The following PATE3 variants were observed in gnomAD, a reference collection of about 807,000 sequenced individuals.
The protein encoded by PATE3 is prostate and testis expressed 3, also known as prostate and testis expressed protein 3.
PATE3 carries 7 observed loss-of-function variants against 7.4 expected under a neutral mutation model. The ratio of observed to expected loss-of-function variants is 0.95; its 90% CI spans 0.54 to 1.78. The LOEUF (loss-of-function observed/expected upper bound fraction) is 1.78, where lower values mean the gene tolerates loss of function less well. Ranked by LOEUF, PATE3 falls within the 40% of genes most tolerant of loss-of-function variation. PATE3 has a pLI of 0.00. For missense variants in PATE3, 117 were observed against 122.5 expected (o/e 0.96, Z 0.21); for synonymous variants, 38 against 40.2 (o/e 0.94, Z 0.21).
At chr11:125,789,634 T>C in intron 2 of PATE3, 126 bp downstream of exon 2, 1 of 1,012,870 alleles carries the variant, frequency 9.9e-7, no homozygotes, top group Non-Finnish European at 1.4e-6. Context: ...GTAGCACAGG[T>C]CCCTGTGCAT....
In PATE3 at chr11:125,789,490, C is replaced by T; in HGVS notation, c.154C>T (p.Leu52Phe). 6.4e-7 allele frequency: 1 copy of T among 1,551,496 alleles called. No individual in the cohort carries two copies. The highest frequency in any genetic ancestry group is 8.7e-7 in the Non-Finnish European group (1 of 1,146,844). ...TGCTCAGAAGGGCGAGGCATGCATG[C>T]TCTTAAGGATTTACCAGCGTAAGTT... Reference protein sequence around the residue: ...CTAQKGEACMLLRIYQRNTLQ... With the variant: ...CTAQKGEACMFLRIYQRNTLQ... The change falls in exon 2 of 3, where the codon CTC (leucine) becomes TTC (phenylalanine). Residue 52 changes from leucine to phenylalanine, a missense_variant. Coordinates refer to ENST00000445202, the MANE Select transcript of PATE3 (RefSeq NM_001129883.4).
chr11:125,790,500 C>T lies in PATE3; in HGVS notation c.195C>T (p.Tyr65=), dbSNP rs1259023884. The change falls in exon 3 of 3, where the codon TAC becomes TAT. Residue 65 remains tyrosine, a synonymous_variant. Coordinates refer to ENST00000445202, the MANE Select transcript of PATE3 (RefSeq NM_001129883.4). ...TAGGCAATACTCTCCAGATATCATA[C>T]ATGGTGTGTCAGAAATTCTGCAGAG... ...IYQRNTLQIS[Y]MVCQKFCRDM... 3 of 1,550,084 alleles carry T rather than the reference C, an allele frequency of 1.9e-6. No homozygotes were observed. The highest frequency in any genetic ancestry group is 2.5e-5 in the East Asian group (1 of 40,152).
intron 1 of PATE3, among the ~76,000 whole-genome samples, chr11:125,788,941 G>A (rs1943587867): frequency 6.6e-6 from 1 of 152,136 alleles, no homozygotes; most frequent in South Asian, 2.1e-4. Context: ...TACTATTATT[G>A]ATGATGCCTT....
At chr11:125,789,724 A>C (rs925238316) in intron 2 of PATE3, among the ~76,000 whole-genome samples, 1 of 152,190 alleles carries the variant, frequency 6.6e-6, no homozygotes, top group Non-Finnish European at 1.5e-5. Context: ...CTGACCAAAC[A>C]GATTTTTTTT....
At position 125,790,735 on chromosome 11, in the gene PATE3, A is replaced by G; in HGVS notation, c.*133A>G. 1 of 880,870 alleles carries G rather than the reference A, an allele frequency of 1.1e-6. No homozygotes were observed. The highest frequency in any genetic ancestry group is 1.7e-6 in the Non-Finnish European group (1 of 593,978). 54.6% of individuals were successfully genotyped at this position (880,870 alleles called of 1,614,324 possible). ...GCCCTCGCATTAACCTAAGAAGACT[A>G]AACTAGTGTGATCCTTTCTGGTGTC... On this transcript the variant is annotated 3_prime_UTR_variant, in exon 3 of 3. Transcript: ENST00000445202.
At chr11:125,789,973 T>G (rs1271889858) in intron 2 of PATE3, among the ~76,000 whole-genome samples, 3 of 152,180 alleles carry the variant, frequency 2.0e-5, no homozygotes, top group African/African-American at 7.2e-5. Context: ...TAAATGAAAT[T>G]CTGTCCTTTG....
At position 125,789,487 on chromosome 11, in the gene PATE3, A is replaced by G. The variant is rs1182437566; in HGVS notation, c.151A>G (p.Met51Val). 1.3e-6 allele frequency: 2 copies of G among 1,551,618 alleles called. No individual in the cohort carries two copies. Among genetic ancestry groups the G allele is most frequent in the African/African-American group, 1.4e-5 (1 of 73,170 alleles). The change falls in exon 2 of 3, where the codon ATG (methionine) becomes GTG (valine). Residue 51 changes from methionine to valine, a missense_variant. By Grantham distance (21) the Met-to-Val change is conservative. Transcript: ENST00000445202. ...VCTAQKGEAC[M>V]LLRIYQRNTL... ...TACTGCTCAGAAGGGCGAGGCATGC[A>G]TGCTCTTAAGGATTTACCAGCGTAA...
At chr11:125,789,537 TA>T in intron 2 of PATE3, 29 bp downstream of exon 2, 1 of 1,537,292 alleles carries the variant, frequency 6.5e-7, no homozygotes, top group Non-Finnish European at 8.8e-7. Context: ...GAAGGTGTTG[TA>T]AGATTCTTAG....
chr11:125,789,353 C>T, intron 1 of PATE3, 33 bp from the exon 2 acceptor site: 1 of 1,534,984 alleles, frequency 6.5e-7, no homozygotes, highest in Non-Finnish European at 8.8e-7. Flanking sequence ...CCTGCTTTTG[C>T]CTAGTCTCAC....
Position 125,791,531 on chromosome 11 carries a change from G to C in PATE3, c.*929G>C, listed in dbSNP as rs1943610869. 1 of 152,204 alleles carries C rather than the reference G, an allele frequency of 6.6e-6. No homozygotes were observed. Among genetic ancestry groups the C allele is most frequent in the Non-Finnish European group, 1.5e-5 (1 of 68,056 alleles). The allele number at this position is 152,204 out of a possible 1,614,324, so 9.4% of individuals were successfully genotyped here. On this transcript the variant is annotated 3_prime_UTR_variant, in exon 3 of 3. Transcript: ENST00000445202. ...CCCTGTACAGCTTTCTTGAGACTTG[G>C]GGGCCTGGGTCAAAGAGATTTGTCT...
intron 1 of PATE3, among the ~76,000 whole-genome samples, chr11:125,788,492 A>G (rs950279155): frequency 2.0e-5 from 3 of 152,140 alleles, no homozygotes; most frequent in Admixed American, 2.0e-4. Context: ...TTTCCTTAGG[A>G]CATCCTTTTT....
At chr11:125,788,441 C>G (rs1295784429) in intron 1 of PATE3, among the ~76,000 whole-genome samples, 1 of 152,196 alleles carries the variant, frequency 6.6e-6, no homozygotes, top group African/African-American at 2.4e-5. Context: ...TTTTCTCCCT[C>G]TGTCCCTACC....
Position 125,789,506 on chromosome 11 carries a change from A to G in PATE3, c.170A>G (p.Gln57Arg), listed in dbSNP as rs1202594805. The G allele has an allele frequency of 2.6e-6, 4 of 1,550,306 alleles. No individual in the cohort carries two copies. The African/African-American group carries it at 5.5e-5, about 21-fold the overall frequency. The change falls in exon 2 of 3, where the codon CAG becomes CGG. Residue 57 changes from glutamine to arginine, a missense_variant and splice_region_variant. Transcript: ENST00000445202. Reference sequence around the variant, plus strand: ...GCATGCATGCTCTTAAGGATTTACCAGCGTAAGTTAGAGGGTCAGGGAAGG... The same window carrying G: ...GCATGCATGCTCTTAAGGATTTACCGGCGTAAGTTAGAGGGTCAGGGAAGG... ...GEACMLLRIY[Q>R]RNTLQISYMV...
chr11:125,790,376 C>T, intron 2 of PATE3, 102 bp from the exon 3 acceptor site: 3 of 1,217,054 alleles, frequency 2.5e-6, no homozygotes, highest in South Asian at 1.6e-5. Flanking sequence ...ATTCCTCAAC[C>T]TACCCTAATT....
At chr11:125,789,595 C>T (rs1179469388) in intron 2 of PATE3, 87 bp downstream of exon 2, 2 of 1,436,426 alleles carry the variant, frequency 1.4e-6, no homozygotes, top group Non-Finnish European at 1.9e-6. Context: ...AAGAGAAGAA[C>T]CAATGCAGAA....
intron 2 of PATE3, 44 bp from the exon 3 acceptor site, chr11:125,790,434 G>A (rs944391453): frequency 1.3e-6 from 2 of 1,530,664 alleles, no homozygotes; most frequent in Non-Finnish European, 1.8e-6. Context: ...ACCTTGGAGA[G>A]CTTAAATCAA....
chr11:125,790,118 G>A (rs1342422600), intron 2 of PATE3, among the ~76,000 whole-genome samples: 2 of 152,164 alleles, frequency 1.3e-5, no homozygotes, highest in Non-Finnish European at 2.9e-5. Context: ...AGACTAGAGT[G>A]GTGGTTACCA....
chr11:125,790,150 A>G (rs1245269816), intron 2 of PATE3, among the ~76,000 whole-genome samples: 1 of 152,218 alleles, frequency 6.6e-6, no homozygotes, highest in Non-Finnish European at 1.5e-5. Context: ...GAGTGGTGGA[A>G]GGAGAGGATG....
At chr11:125,789,558 G>A (rs886216496) in intron 2 of PATE3, 50 bp downstream of exon 2, 3 of 1,521,900 alleles carry the variant, frequency 2.0e-6, no homozygotes, top group Admixed American at 2.0e-5. Flanking sequence ...GAATTCTTAG[G>A]ATAGTGCTTC....
Sources: gnomAD v4.1 joint callset for allele counts (sites outside exome capture counted in the v4.1 genomes callset) on GRCh38, gnomAD v4.1.1 for gene constraint, MANE v1.5 for transcripts, NCBI Gene and HGNC (gene_info 2026-07-23, HGNC 2026-07-21) for gene names.